CAP2: variants seen among roughly 807,000 people sequenced by gnomAD.
CAP2 encodes the protein adenylyl cyclase-associated protein 2.
In CAP2, 24 loss-of-function variants were observed where a neutral mutation model predicts 57.7. The ratio of observed to expected loss-of-function variants is 0.42; its 90% CI spans 0.30 to 0.58. The LOEUF (loss-of-function observed/expected upper bound fraction) is 0.58. CAP2 is among the 20% of genes least tolerant of loss of function. The probability of loss-of-function intolerance (pLI) is 0.22; values close to 1 mark genes in which losing one functional copy is unlikely to be tolerated. For missense variants in CAP2, 501 were observed against 590.3 expected, an observed-to-expected ratio of 0.85 and a Z score of 1.57; for synonymous variants, 194 against 207.2, an observed-to-expected ratio of 0.94 and a Z score of 0.55.
At position 17,507,271 on chromosome 6, in the gene CAP2, G is replaced by A. The variant is rs1285194437; in HGVS notation, c.403G>A (p.Ala135Thr). 6.2e-7 allele frequency: 1 copy of A among 1,614,150 alleles called. No individual in the cohort carries two copies. Among genetic ancestry groups the A allele is most frequent in the South Asian group, 1.1e-5 (1 of 91,088 alleles). ...RGSNMFNHLSAVSESIPALGW... is the reference protein window; with the variant it reads ...RGSNMFNHLSTVSESIPALGW... ...GAGTAACATGTTTAATCATCTTTCG[G>A]CCGTCAGCGAAAGCATCCCTGCCCT... is the stretch of plus-strand genomic sequence containing the variant. Residue 135 changes from alanine to threonine, a missense_variant, in exon 5 of 13, where the codon GCC (alanine) becomes ACC (threonine). Transcript: ENST00000229922.
chr6:17,528,405 T>C (rs2113684051), intron 7 of CAP2, among the ~76,000 whole-genome samples: 1 of 152,342 alleles, frequency 6.6e-6, no homozygotes, highest in South Asian at 2.1e-4. Flanking sequence ...CCAGGCTGTT[T>C]TCTGATTTTA....
intron 3 of CAP2, among the ~76,000 whole-genome samples, chr6:17,449,598 G>A (rs374793412): frequency 1.5e-4 from 23 of 151,740 alleles, no homozygotes; most frequent in East Asian, 9.7e-4. Flanking sequence ...TAGTAGAGGC[G>A]GGGTTTCGCC....
intron 4 of CAP2, among the ~76,000 whole-genome samples, chr6:17,475,194 CAAA>C (rs1172435772): frequency 4.7e-5 from 5 of 105,866 alleles, no homozygotes; most frequent in Non-Finnish European, 6.3e-5. Flanking sequence ...GACTCCATCT[CAAA>C]AAAAAAAAAA....
chr6:17,523,933 G>A (rs905769637), intron 7 of CAP2, among the ~76,000 whole-genome samples: 3 of 152,112 alleles, frequency 2.0e-5, no homozygotes, highest in African/African-American at 4.8e-5. Context: ...AATTAGCTGG[G>A]CGTGGTGACG....
At chr6:17,489,159 T>C (rs1302296459) in intron 4 of CAP2, among the ~76,000 whole-genome samples, 5 of 152,128 alleles carry the variant, frequency 3.3e-5, no homozygotes, top group African/African-American at 4.8e-5. Context: ...TCAGGCTGCG[T>C]GCAGTGGCTC....
chr6:17,532,111 C>G (rs1029856066), intron 7 of CAP2, among the ~76,000 whole-genome samples: 1 of 151,142 alleles, frequency 6.6e-6, no homozygotes, highest in Non-Finnish European at 1.5e-5. Context: ...TTCTCTACTA[C>G]CTCTATTGTT....
chr6:17,394,907 A>C (rs988282499), intron 1 of CAP2, among the ~76,000 whole-genome samples: 1 of 152,224 alleles, frequency 6.6e-6, no homozygotes, highest in African/African-American at 2.4e-5. Flanking sequence ...ATAGACAATA[A>C]AAGTGTGTGA....
At chr6:17,424,013 T>A (rs550401682) in intron 2 of CAP2, among the ~76,000 whole-genome samples, 4 of 152,204 alleles carry the variant, frequency 2.6e-5, no homozygotes, top group Middle Eastern at 3.2e-3. Context: ...TTTTAACAAA[T>A]CCGCCGAACA....
chr6:17,428,681 G>A (rs1433119785), intron 3 of CAP2, among the ~76,000 whole-genome samples: 1 of 151,008 alleles, frequency 6.6e-6, no homozygotes. Flanking sequence ...GCTAGATGAC[G>A]AGTTAGTGGG....
chr6:17,476,487 G>A (rs773051717), intron 4 of CAP2, among the ~76,000 whole-genome samples: 2 of 152,196 alleles, frequency 1.3e-5, no homozygotes, highest in Non-Finnish European at 2.9e-5. Flanking sequence ...CTCTGGCCTG[G>A]ACAGATATGT....
chr6:17,493,443 C>T (rs955572490), intron 4 of CAP2: 4 of 317,316 alleles, frequency 1.3e-5, no homozygotes, highest in Middle Eastern at 4.0e-4. Flanking sequence ...AATTTCACCG[C>T]CAACCACAGA....
In CAP2 at chr6:17,503,137, C is replaced by G. The variant is rs370318140; in HGVS notation, c.301-4032C>G. ...GTAAGGAGTCCCTGAACTGCCATTA[C>G]CCCTGCATTGGTTTGCTAGGGCTGC... On this transcript the variant is annotated intron_variant, in intron 4 of 12. Transcript: ENST00000229922. 2.2e-4 allele frequency among the ~76,000 whole-genome samples: 33 copies of G among 152,262 alleles called. 1 individual carries two copies. Among genetic ancestry groups the G allele is most frequent in the African/African-American group, 7.0e-4 (29 of 41,550 alleles).
At chr6:17,509,475 C>T (rs1263624022) in intron 6 of CAP2, among the ~76,000 whole-genome samples, 1 of 152,058 alleles carries the variant, frequency 6.6e-6, no homozygotes, top group Non-Finnish European at 1.5e-5. Flanking sequence ...GTCAGGAGTT[C>T]ATGACCAGCC....
chr6:17,547,242 T>C (rs988295622), intron 11 of CAP2, among the ~76,000 whole-genome samples: 10 of 152,180 alleles, frequency 6.6e-5, no homozygotes, highest in Admixed American at 2.0e-4. Flanking sequence ...TACCATTATG[T>C]AGAGCATGAT....
intron 4 of CAP2, among the ~76,000 whole-genome samples, chr6:17,481,346 A>G (rs1761282353): frequency 6.6e-6 from 1 of 152,154 alleles, no homozygotes; most frequent in Non-Finnish European, 1.5e-5. Flanking sequence ...AAGTAGGCTG[A>G]TGTTAACATT....
rs59215413 is a variant in CAP2, at chr6:17,455,283, G to GAA, written c.223-7702_223-7701dup. 1.3e-3 allele frequency among the ~76,000 whole-genome samples: 185 copies of GAA among 147,890 alleles called. 2 individuals are homozygous for GAA. Among genetic ancestry groups the GAA allele is most frequent in the African/African-American group, 4.3e-3 (172 of 40,238 alleles). The stretch of plus-strand genomic sequence containing the variant: ...CCTCTAGGAATGCTCTACTGGTAAG[G>GAA]AAAAAAAAAAAATGCCTCAAGCGAG... On this transcript the variant is annotated intron_variant, in intron 3 of 12. Coordinates refer to ENST00000229922, the MANE Select transcript of CAP2 (RefSeq NM_006366.3).
intron 4 of CAP2, among the ~76,000 whole-genome samples, chr6:17,488,884 C>T (rs113667868): frequency 1.3e-5 from 2 of 152,266 alleles, no homozygotes; most frequent in African/African-American, 2.4e-5. Context: ...ATCTGTTCCA[C>T]GAGGTGGATA....
intron 3 of CAP2, among the ~76,000 whole-genome samples, chr6:17,461,194 A>G (rs547622866): frequency 4.0e-5 from 6 of 150,096 alleles, no homozygotes; most frequent in Non-Finnish European, 8.9e-5. Flanking sequence ...ACAACAAAAA[A>G]AAAAACCCTG....
intron 1 of CAP2, among the ~76,000 whole-genome samples, chr6:17,417,773 C>T (rs1759325113): frequency 6.6e-6 from 1 of 152,160 alleles, no homozygotes; most frequent in South Asian, 2.1e-4. Context: ...CCAGTCTCTT[C>T]ATTCTCCAGC....
Sources: gnomAD v4.1 joint callset for allele counts (sites outside exome capture counted in the v4.1 genomes callset) on GRCh38, gnomAD v4.1.1 for gene constraint, MANE v1.5 for transcripts, NCBI Gene and HGNC (gene_info 2026-07-23, HGNC 2026-07-21) for gene names.